Variants in ACTR3B observed in about 807,000 individuals in gnomAD.
ACTR3B encodes actin-related protein 3B.
ACTR3B carries 8 observed loss-of-function variants against 59.0 expected under a neutral mutation model. That is an observed-to-expected ratio of 0.14 (90% CI 0.08 to 0.24). The LOEUF is 0.24. Ranked by LOEUF, ACTR3B falls within the 10% of genes least tolerant of loss-of-function variation. The pLI is 1.00. For synonymous variants in ACTR3B, 148 were observed against 197.9 expected (o/e 0.75, Z 2.12); for missense variants, 245 against 552.3 (o/e 0.44, Z 5.58).
At chr7:152,786,059 G>A (rs1366588169) in intron 2 of ACTR3B, among the ~76,000 whole-genome samples, 1 of 12,740 alleles carries the variant, frequency 7.8e-5, no homozygotes, top group Non-Finnish European at 1.7e-4. Flanking sequence ...TTCTTAAGTC[G>A]TTGGAGGATA....
intron 6 of ACTR3B, among the ~76,000 whole-genome samples, chr7:152,817,099 T>A (rs1404927362): frequency 1.3e-5 from 2 of 151,194 alleles, no homozygotes; most frequent in Non-Finnish European, 3.0e-5. Flanking sequence ...AAAATTTATT[T>A]AAGGGCTGGG....
intron 9 of ACTR3B, among the ~76,000 whole-genome samples, chr7:152,829,256 C>A (rs1796834604): frequency 1.3e-5 from 2 of 152,116 alleles, no homozygotes; most frequent in African/African-American, 4.8e-5. Flanking sequence ...TTCCACTACA[C>A]CGTACCCTCT....
chr7:152,841,973 G>A (rs181554621), intron 9 of ACTR3B, among the ~76,000 whole-genome samples: 4 of 152,178 alleles, frequency 2.6e-5, no homozygotes, highest in Non-Finnish European at 5.9e-5. Context: ...CATACTTAAC[G>A]TGATAATCAC....
intron 1 of ACTR3B, among the ~76,000 whole-genome samples, chr7:152,779,835 T>A (rs1489502651): frequency 6.6e-6 from 1 of 152,220 alleles, no homozygotes; most frequent in Admixed American, 6.5e-5. Flanking sequence ...ATTTTAAATT[T>A]GAATGTCTCA....
At chr7:152,766,765 C>T (rs1400050505) in intron 1 of ACTR3B, among the ~76,000 whole-genome samples, 1 of 152,028 alleles carries the variant, frequency 6.6e-6, no homozygotes, top group East Asian at 1.9e-4. Context: ...TCCCAGATTA[C>T]ATGGTGGTTT....
chr7:152,822,609 T>G (rs1478144238), intron 7 of ACTR3B, among the ~76,000 whole-genome samples: 1 of 152,232 alleles, frequency 6.6e-6, no homozygotes, highest in Non-Finnish European at 1.5e-5. Flanking sequence ...TGTCATTTAC[T>G]TATTATGGTT....
intron 10 of ACTR3B, 72 bp from the exon 11 acceptor site, chr7:152,853,422 C>T (rs910767291): frequency 1.7e-5 from 24 of 1,444,212 alleles, no homozygotes; most frequent in Admixed American, 9.0e-5. Flanking sequence ...GCTGTGGTCT[C>T]GTCAGCCGGG....
intron 1 of ACTR3B, among the ~76,000 whole-genome samples, chr7:152,777,465 C>T (rs2098138929): frequency 6.6e-6 from 1 of 152,096 alleles, no homozygotes; most frequent in Non-Finnish European, 1.5e-5. Flanking sequence ...GTGGTGTATT[C>T]TTAAGGGTAA....
chr7:152,763,915 C>T (rs978230306), intron 1 of ACTR3B, among the ~76,000 whole-genome samples: 1 of 152,144 alleles, frequency 6.6e-6, no homozygotes, highest in Non-Finnish European at 1.5e-5. Context: ...TTATGCCGTC[C>T]TCATTGTTGT....
rs1208336041 is a variant in ACTR3B at position 152,759,878 on chromosome 7, C to CGAGCAT, written c.-3_3dup. 7.5e-7 allele frequency: 1 copy of CGAGCAT among 1,335,538 alleles called. No homozygotes were observed. Among genetic ancestry groups the CGAGCAT allele is most frequent in the Admixed American group, 2.8e-5 (1 of 35,236 alleles). 82.7% of individuals were successfully genotyped at this position (1,335,538 alleles called of 1,614,324 possible). A position where few individuals can be genotyped will look rare whatever the true frequency, so the allele number is the denominator to read the frequency against. On this transcript the variant is annotated 5_prime_UTR_variant, in exon 1 of 12. In the 5' UTR this introduces an upstream ATG that the reference lacks. Coordinates refer to ENST00000256001, the MANE Select transcript of ACTR3B (RefSeq NM_020445.6). ...CGGCGGGGCCGAGCGCCGCGCGTCCCGAGCATGGCAGGCTCCCTGCCTCCC... is the reference window on the plus strand; with the variant it reads ...CGGCGGGGCCGAGCGCCGCGCGTCCCGAGCATGAGCATGGCAGGCTCCCTGCCTCCC...
chr7:152,847,167 C>G (rs1798413053), intron 9 of ACTR3B, among the ~76,000 whole-genome samples: 1 of 150,752 alleles, frequency 6.6e-6, no homozygotes, highest in Non-Finnish European at 1.5e-5. Flanking sequence ...GTAGTGAGCT[C>G]TAGTGCCCGG....
At chr7:152,793,635 T>TA (rs1247445590) in intron 2 of ACTR3B, among the ~76,000 whole-genome samples, 1 of 147,414 alleles carries the variant, frequency 6.8e-6, no homozygotes, top group Non-Finnish European at 1.5e-5. Flanking sequence ...TGATGGCTCC[T>TA]AAAATCCTTG....
chr7:152,838,369 G>A (rs1015366920), intron 9 of ACTR3B, among the ~76,000 whole-genome samples: 1 of 152,178 alleles, frequency 6.6e-6, no homozygotes, highest in Non-Finnish European at 1.5e-5. Flanking sequence ...AAAAGGATGA[G>A]TTCATGTCCT....
At chr7:152,768,224 A>G (rs1036486851) in intron 1 of ACTR3B, among the ~76,000 whole-genome samples, 3 of 152,256 alleles carry the variant, frequency 2.0e-5, no homozygotes, top group African/African-American at 4.8e-5. Flanking sequence ...CGCTGTCTCA[A>G]AAATAAAAAC....
chr7:152,849,235 G>T (rs1486353396), intron 9 of ACTR3B, among the ~76,000 whole-genome samples: 1 of 152,182 alleles, frequency 6.6e-6, no homozygotes, highest in African/African-American at 2.4e-5. Flanking sequence ...TGATCAGATA[G>T]TCCCCGTAAG....
At chr7:152,850,557 G>C (rs116872926) in intron 9 of ACTR3B, among the ~76,000 whole-genome samples, 1 of 152,260 alleles carries the variant, frequency 6.6e-6, no homozygotes. Context: ...CTTCTGCCCC[G>C]TTTCATTCTT....
At chr7:152,760,712 C>T (rs2098086950) in intron 1 of ACTR3B, among the ~76,000 whole-genome samples, 2 of 152,156 alleles carry the variant, frequency 1.3e-5, no homozygotes, top group African/African-American at 4.8e-5. Context: ...CCACTTCTTT[C>T]GTTGCCGTTA....
intron 4 of ACTR3B, among the ~76,000 whole-genome samples, chr7:152,802,801 T>C (rs1375613013): frequency 6.6e-6 from 1 of 152,218 alleles, no homozygotes; most frequent in African/African-American, 2.4e-5. Flanking sequence ...TATGAAGTGT[T>C]TTTAAGAATT....
At position 152,768,545 on chromosome 7, in the gene ACTR3B, C is replaced by T. The variant is rs1459616524; in HGVS notation, c.44+8619C>T. Among the ~76,000 whole-genome samples, 12 of 150,144 alleles carry T rather than the reference C, an allele frequency of 8.0e-5. No homozygotes were observed. The East Asian group carries it at 1.4e-3, about 18-fold the overall frequency. On this transcript the variant is annotated intron_variant, in intron 1 of 11. Coordinates refer to ENST00000256001, the MANE Select transcript of ACTR3B (RefSeq NM_020445.6). ...AGGCTGGAGTGCAATGGAGCGATCT[C>T]GGCTCACTGCAACCTCCACCTCCTG...
Sources: allele counts gnomAD v4.1 joint callset (sites outside exome capture counted in the v4.1 genomes callset), GRCh38; gene constraint gnomAD v4.1.1; transcripts MANE v1.5; gene names NCBI Gene and HGNC (gene_info 2026-07-23, HGNC 2026-07-21).